Variants in FRMPD4 observed in about 807,000 individuals in gnomAD.
FRMPD4 encodes the protein FERM and PDZ domain-containing protein 4.
FRMPD4 carries 22 observed loss-of-function variants against 94.1 expected under a neutral mutation model. The observed-to-expected ratio is 0.23, with a 90% CI of 0.17 to 0.33. The LOEUF (loss-of-function observed/expected upper bound fraction) is 0.33, where lower values mean the gene tolerates loss of function less well. Ranked by LOEUF, FRMPD4 falls within the 10% of genes least tolerant of loss-of-function variation. The pLI, the probability that FRMPD4 is intolerant of heterozygous loss-of-function variation, is 1.00. For synonymous variants in FRMPD4, 631 were observed against 548.6 expected, an observed-to-expected ratio of 1.15 and a Z score of -2.10; for missense variants, 1,111 against 1,339.9, an observed-to-expected ratio of 0.83 and a Z score of 2.67.
chrX:12,014,730 T>C (rs184648506), intron 3 of FRMPD4, among the ~76,000 whole-genome samples: 7 of 111,200 alleles, frequency 6.3e-5, no homozygotes, highest in South Asian at 3.8e-4. Flanking sequence ...TTTAGGGAAT[T>C]TGAGGGAGAG....
At chrX:12,293,497 T>G (rs1450100989) in intron 1 of FRMPD4, among the ~76,000 whole-genome samples, 1 of 112,754 alleles carries the variant, frequency 8.9e-6, no homozygotes, top group East Asian at 2.8e-4. Context: ...AAATTGTTCT[T>G]GTAATGGGCG....
At chrX:12,047,906 G>A (rs1701174969) in intron 3 of FRMPD4, among the ~76,000 whole-genome samples, 1 of 112,543 alleles carries the variant, frequency 8.9e-6, no homozygotes, top group South Asian at 3.6e-4. Flanking sequence ...ACTGTTGACA[G>A]GCACCTAGGT....
intron 7 of FRMPD4, 86 bp from the exon 8 acceptor site, chrX:12,690,109 C>A: frequency 1.5e-6 from 1 of 679,999 alleles, no homozygotes; most frequent in Non-Finnish European, 2.2e-6. Context: ...TGGCAGCCTA[C>A]ATGTGTAACA....
intron 1 of FRMPD4, among the ~76,000 whole-genome samples, chrX:12,430,537 T>G (rs1284130879): frequency 8.9e-6 from 1 of 112,249 alleles, no homozygotes; most frequent in East Asian, 2.8e-4. Flanking sequence ...GATCAATAAA[T>G]GGATGAATGA....
chrX:12,504,628 A>G lies in FRMPD4; in HGVS notation c.158+5832A>G, dbSNP rs148118478. On this transcript the variant is annotated intron_variant, in intron 2 of 16. Coordinates refer to ENST00000675598, the MANE Select transcript of FRMPD4 (RefSeq NM_001368397.1). ...TTCTTTTGAATCTGACAAAGCACCT[A>G]TCTGCTGAGTTAATAATCACTGCTC... Among the ~76,000 whole-genome samples, 11 of 112,538 alleles carry G rather than the reference A, an allele frequency of 9.8e-5. No individual in the cohort carries two copies. In the Admixed American group the frequency reaches 1.0e-3, roughly 11 times the overall value.
At chrX:11,987,045 C>T (rs2054433254) in intron 3 of FRMPD4, among the ~76,000 whole-genome samples, 1 of 95,778 alleles carries the variant, frequency 1.0e-5, no homozygotes, top group Non-Finnish European at 2.0e-5. Context: ...AACTTCCAAA[C>T]CCATTCTATG....
At chrX:12,647,147 A>G (rs1175200263) in intron 4 of FRMPD4, among the ~76,000 whole-genome samples, 4 of 111,798 alleles carry the variant, frequency 3.6e-5, no homozygotes, top group African/African-American at 1.3e-4. Context: ...CTTCTCCATG[A>G]CTTAACACGT....
chrX:12,299,549 T>C (rs769272774), intron 1 of FRMPD4, among the ~76,000 whole-genome samples: 2 of 105,049 alleles, frequency 1.9e-5, no homozygotes, highest in Non-Finnish European at 3.9e-5. Context: ...TTCTGGAAGT[T>C]ATTTTTCTCT....
At chrX:12,231,524 A>G (rs2057007660) in intron 1 of FRMPD4, among the ~76,000 whole-genome samples, 1 of 111,199 alleles carries the variant, frequency 9.0e-6, no homozygotes, top group East Asian at 2.8e-4. Flanking sequence ...CCACTTCTAA[A>G]CATCTAAGCC....
At chrX:11,860,920 G>A (rs1012822939) in intron 1 of FRMPD4, among the ~76,000 whole-genome samples, 3 of 111,550 alleles carry the variant, frequency 2.7e-5, no homozygotes, top group Non-Finnish European at 3.8e-5. Flanking sequence ...AGTTTACAAG[G>A]TTCTCTATTC....
intron 1 of FRMPD4, among the ~76,000 whole-genome samples, chrX:12,462,746 T>G (rs2057402689): frequency 8.9e-6 from 1 of 112,208 alleles, no homozygotes; most frequent in South Asian, 3.7e-4. Flanking sequence ...CCCAGCACTT[T>G]GGGAGGCCGA....
Position 12,524,356 on chromosome X carries a change from G to A in FRMPD4, c.158+25560G>A, listed in dbSNP as rs1028799664. ...TTTGATTATGTGACATTTAGCATGA[G>A]TGACTTCATTTTGGTTTACACTGGT... On this transcript the variant is annotated intron_variant, in intron 2 of 16. Coordinates refer to ENST00000675598, the MANE Select transcript of FRMPD4 (RefSeq NM_001368397.1). Among the ~76,000 whole-genome samples, 4 of 111,620 alleles carry A rather than the reference G, an allele frequency of 3.6e-5. No homozygotes were observed. In the Admixed American group the frequency reaches 3.8e-4, roughly 11 times the overall value.
rs1451620510 is a variant in FRMPD4 at position 11,865,474 on chromosome X, C to T, written c.-30+258C>T. On this transcript the variant is annotated intron_variant, in intron 2 of 18. Transcript: ENST00000640291. ...ACAGCAAAGACAACTATAACAATAGCAATAGTGGTAGCTACAGCTTACAAA... is the reference window on the plus strand; with the variant it reads ...ACAGCAAAGACAACTATAACAATAGTAATAGTGGTAGCTACAGCTTACAAA... Among the ~76,000 whole-genome samples the T allele has an allele frequency of 2.7e-5, 3 of 111,942 alleles. No individual in the cohort carries two copies. In the East Asian group the frequency reaches 8.4e-4, roughly 31 times the overall value.
chrX:11,977,647 C>A (rs1459810195), intron 3 of FRMPD4, among the ~76,000 whole-genome samples: 1 of 109,295 alleles, frequency 9.1e-6, no homozygotes. Context: ...AGACATGAGA[C>A]CTCAATCAAA....
At chrX:12,501,526 G>C (rs1024630987) in intron 2 of FRMPD4, among the ~76,000 whole-genome samples, 1 of 109,028 alleles carries the variant, frequency 9.2e-6, no homozygotes, top group Non-Finnish European at 1.9e-5. Context: ...CAGGTTTGCA[G>C]TGTGGAATAT....
At chrX:11,872,351 C>T (rs756527638) in intron 2 of FRMPD4, among the ~76,000 whole-genome samples, 41 of 112,053 alleles carry the variant, frequency 3.7e-4, no homozygotes, top group African/African-American at 1.3e-3. Context: ...AGAGTTTGGG[C>T]GGAACATTTC....
chrX:12,605,569 T>A (rs969000551), intron 2 of FRMPD4, among the ~76,000 whole-genome samples: 3 of 111,314 alleles, frequency 2.7e-5, no homozygotes, highest in Admixed American at 9.5e-5. Context: ...ACAAAGTCTT[T>A]CCAAGAGCCT....
intron 2 of FRMPD4, chrX:12,583,523 C>G: frequency 9.3e-7 from 1 of 1,070,685 alleles, no homozygotes; most frequent in Non-Finnish European, 1.3e-6. Context: ...GGGAGCGTTC[C>G]CATATTATGA....
chrX:12,336,051 T>G (rs111381794), intron 1 of FRMPD4, among the ~76,000 whole-genome samples: 2,366 of 111,415 alleles, frequency 0.021, 38 homozygotes, highest in Non-Finnish European at 0.029. Context: ...CTGTGTGTGA[T>G]TCACTTTTAG....
Sources: allele counts gnomAD v4.1 joint callset (sites outside exome capture counted in the v4.1 genomes callset), GRCh38; gene constraint gnomAD v4.1.1; transcripts MANE v1.5; gene names NCBI Gene and HGNC (gene_info 2026-07-23, HGNC 2026-07-21).